The following ERCC5 variants were observed in gnomAD, a reference collection of about 807,000 sequenced individuals.
ERCC5 encodes DNA excision repair protein ERCC-5.
ERCC5 carries 68 observed loss-of-function variants against 105.6 expected under a neutral mutation model. That is an observed-to-expected ratio of 0.64 (90% CI 0.53 to 0.79). The LOEUF is 0.79. ERCC5 is among the 30% of genes least tolerant of loss of function. ERCC5 has a pLI of 0.00. For synonymous variants in ERCC5, 546 were observed against 526.2 expected, an observed-to-expected ratio of 1.04 and a Z score of -0.51; for missense variants, 1,373 against 1,426.7, an observed-to-expected ratio of 0.96 and a Z score of 0.61.
chr13:102,851,297 A>ATTAGTTTTTC (rs750458886), intron 1 of ERCC5, among the ~76,000 whole-genome samples: 90 of 152,088 alleles, frequency 5.9e-4, no homozygotes, highest in Admixed American at 3.7e-3. Flanking sequence ...GTCTGCCATA[A>ATTAGTTTTTC]TTAGTTTTTC....
In ERCC5 at chr13:102,866,394, A is replaced by G; in HGVS notation, c.2319+13A>G. On this transcript the variant is annotated intron_variant, in intron 10 of 14. Transcript: ENST00000652225. ...CCTGGAAAGCCAGGTGGGTGCAGGCAGCTTGGGTTTCCTTTACCACCTTCT... is the reference window on the plus strand; with the variant it reads ...CCTGGAAAGCCAGGTGGGTGCAGGCGGCTTGGGTTTCCTTTACCACCTTCT... 4.3e-6 allele frequency: 7 copies of G among 1,614,116 alleles called. No individual in the cohort carries two copies. Among genetic ancestry groups the G allele is most frequent in the Non-Finnish European group, 5.9e-6 (7 of 1,179,944 alleles).
Position 102,863,049 on chromosome 13 carries a change from A to G in ERCC5, c.1900A>G (p.Ile634Val), listed in dbSNP as rs760908197. Residue 634 changes from isoleucine (I) to valine (V), a missense_variant, in exon 8 of 15, where the codon ATT (isoleucine) becomes GTT (valine). By Grantham distance (29) the Ile-to-Val change is conservative. Around this residue, in one of 3 missense-constraint regions of ERCC5, gnomAD observed 1,004 missense variants for 1,059.7 expected, o/e 0.95. Coordinates refer to ENST00000652225, the MANE Select transcript of ERCC5 (RefSeq NM_000123.4). ...ATCTGCAGGCCAGGATTTAATTTCC[A>G]TTCCAAAGGCCGTGGAACCAATGGA... ...TESAGQDLIS[I>V]PKAVEPMEID... The G allele has an allele frequency of 2.2e-5, 36 of 1,614,052 alleles. No individual in the cohort carries two copies. The highest frequency in any genetic ancestry group is 3.1e-5 in the Non-Finnish European group (36 of 1,180,036).
chr13:102,871,635 T>G (rs527658695), intron 12 of ERCC5, among the ~76,000 whole-genome samples: 13 of 152,082 alleles, frequency 8.5e-5, no homozygotes, highest in Non-Finnish European at 1.8e-4. Flanking sequence ...ATATATAAAA[T>G]GTTAAATTTT....
chr13:102,854,973 C>T (rs1361665066), intron 4 of ERCC5, among the ~76,000 whole-genome samples: 1 of 152,196 alleles, frequency 6.6e-6, no homozygotes, highest in African/African-American at 2.4e-5. Flanking sequence ...GTCCCCTGTC[C>T]TTCCCTCCAC....
chr13:102,861,987 A>G (rs372657190), intron 7 of ERCC5, 43 bp from the exon 8 acceptor site: 2 of 1,609,380 alleles, frequency 1.2e-6, no homozygotes, highest in Non-Finnish European at 1.7e-6. Context: ...GTATTGTCAC[A>G]CTGTAAAACT....
chr13:102,868,120 C>A lies in ERCC5; in HGVS notation c.2541C>A (p.Asp847Glu), dbSNP rs1595387522. The A allele has an allele frequency of 6.2e-7, 1 of 1,613,638 alleles. No individual in the cohort carries two copies. The highest frequency in any genetic ancestry group is 8.5e-7 in the Non-Finnish European group (1 of 1,179,902). ...AATATTGTTACTCTTTAGGATTGGA[C>A]CGGAATAAGTTAATAAATTTGGCTT... The part of the protein sequence containing the change: ...YVDFHNQLGL[D>E]RNKLINLAYL... The change falls in exon 12 of 15, where the codon GAC becomes GAA. Residue 847 changes from aspartate to glutamate, a missense_variant. Physicochemically the swap from Asp to Glu is conservative, Grantham distance 45 (BLOSUM62 2). This residue lies in a region of ERCC5 where 1,004 missense variants were observed against 1,059.7 expected (regional missense o/e 0.95). Transcript: ENST00000652225.
intron 12 of ERCC5, 55 bp from the exon 13 acceptor site, chr13:102,872,143 G>T: frequency 2.5e-6 from 4 of 1,581,702 alleles, no homozygotes; most frequent in South Asian, 1.1e-5. Context: ...CATCCATAGT[G>T]TATGAACTAT....
Position 102,875,411 on chromosome 13 carries a change from A to C in ERCC5, c.3069A>C (p.Leu1023=), listed in dbSNP as rs759927276. 1 of 1,614,198 alleles carries C rather than the reference A, an allele frequency of 6.2e-7. No individual in the cohort carries two copies. Among genetic ancestry groups the C allele is most frequent in the Non-Finnish European group, 8.5e-7 (1 of 1,180,038 alleles). ...QRLNRAVTCM[L]RKEKEAAASE... is the part of the protein sequence containing the mutation. ...TAAACAGAGCTGTGACATGTATGCT[A>C]AGGAAAGAGAAAGAAGCAGCAGCCA... The change falls in exon 15 of 15, where the codon CTA becomes CTC. Residue 1023 remains leucine, a synonymous_variant. Coordinates refer to ENST00000652225, the MANE Select transcript of ERCC5 (RefSeq NM_000123.4).
At position 102,875,828 on chromosome 13, in the gene ERCC5, C is replaced by A. The variant is rs761650522; in HGVS notation, c.3486C>A (p.Leu1162=). The A allele has an allele frequency of 6.2e-7, 1 of 1,613,358 alleles. No individual in the cohort carries two copies. The highest frequency in any genetic ancestry group is 8.5e-7 in the Non-Finnish European group (1 of 1,179,956). ...DDDGGKEKMV[L]VTARSVFGKK... is the part of the protein sequence containing the mutation. The stretch of plus-strand genomic sequence containing the variant: ...ATGGAGGGAAAGAGAAGATGGTCCT[C>A]GTGACCGCCAGATCTGTGTTTGGGA... The change falls in exon 15 of 15, where the codon CTC becomes CTA. Residue 1162 remains leucine, a synonymous_variant. Coordinates refer to ENST00000652225, the MANE Select transcript of ERCC5 (RefSeq NM_000123.4).
chr13:102,852,044 C>T, intron 1 of ERCC5, 74 bp from the exon 2 acceptor site: 1 of 1,509,462 alleles, frequency 6.6e-7, no homozygotes, highest in South Asian at 1.1e-5. Context: ...TGGATAATAT[C>T]AGTTATTAGG....
intron 4 of ERCC5, among the ~76,000 whole-genome samples, chr13:102,855,799 C>T (rs1440965880): frequency 2.0e-5 from 3 of 152,106 alleles, no homozygotes; most frequent in Non-Finnish European, 4.4e-5. Flanking sequence ...TTTTGTGACT[C>T]CTAAATTGGG....
chr13:102,854,400 T>C (rs1882325222), intron 4 of ERCC5, 26 bp downstream of exon 4: 1 of 1,605,964 alleles, frequency 6.2e-7, no homozygotes, highest in Non-Finnish European at 8.5e-7. Context: ...TTTAAGAATA[T>C]TATTTTAGTC....
At chr13:102,871,730 C>A (rs1017606847) in intron 12 of ERCC5, among the ~76,000 whole-genome samples, 1 of 151,922 alleles carries the variant, frequency 6.6e-6, no homozygotes, top group African/African-American at 2.4e-5. Context: ...ATTAAATATT[C>A]TTCGATCCAT....
intron 1 of ERCC5, chr13:102,849,030 T>C (rs995665501): frequency 2.4e-6 from 1 of 421,370 alleles, no homozygotes; most frequent in Non-Finnish European, 4.8e-6. Context: ...TGAAACTAGA[T>C]TTCCTCACTG....
chr13:102,846,328 C>A lies in ERCC5; in HGVS notation c.62C>A (p.Ala21Glu). The A allele has an allele frequency of 6.2e-7, 1 of 1,614,072 alleles. No individual in the cohort carries two copies. The highest frequency in any genetic ancestry group is 8.5e-7 in the Non-Finnish European group (1 of 1,179,998). The change falls in exon 1 of 15, where the codon GCG (alanine) becomes GAG (glutamate). Residue 21 changes from alanine to glutamate, a missense_variant. Around this residue, in one of 3 missense-constraint regions of ERCC5, gnomAD observed 1,004 missense variants for 1,059.7 expected, o/e 0.95. Coordinates refer to ENST00000652225, the MANE Select transcript of ERCC5 (RefSeq NM_000123.4). Reference sequence around the variant, plus strand: ...TCCGGGCGGCAGGTCAGCCCCGAAGCGCTGGAAGGGAAGATCCTGGCTGTT... The same window carrying A: ...TCCGGGCGGCAGGTCAGCCCCGAAGAGCTGGAAGGGAAGATCCTGGCTGTT... ...ECSGRQVSPE[A>E]LEGKILAVDI...
chr13:102,855,995 T>G, intron 4 of ERCC5, 57 bp from the exon 5 acceptor site: 1 of 1,564,870 alleles, frequency 6.4e-7, no homozygotes, highest in Non-Finnish European at 8.8e-7. Flanking sequence ...CATACAAGTA[T>G]TTTTGTAAGG....
In ERCC5 at chr13:102,873,285, A is replaced by G; in HGVS notation, c.2906A>G (p.Asn969Ser). The change falls in exon 14 of 15, where the codon AAC becomes AGC. Residue 969 changes from asparagine (N) to serine (S), a missense_variant. Around this residue, in one of 3 missense-constraint regions of ERCC5, gnomAD observed 367 missense variants for 350.2 expected, o/e 1.05. Transcript: ENST00000652225. ...REFCQRYFGW[N>S]RTKTDESLFP... is the part of the protein sequence containing the mutation. ...TTTTGTCAGCGGTATTTCGGCTGGA[A>G]CAGAACGAAGACAGATGAATCTCTG... 3 of 1,614,158 alleles carry G rather than the reference A, an allele frequency of 1.9e-6. No homozygotes were observed. The highest frequency in any genetic ancestry group is 2.5e-6 in the Non-Finnish European group (3 of 1,180,006).
intron 11 of ERCC5, among the ~76,000 whole-genome samples, 194 bp from the exon 12 acceptor site, chr13:102,867,919 A>G (rs551212465): frequency 1.3e-5 from 2 of 152,366 alleles, no homozygotes; most frequent in South Asian, 4.1e-4. Flanking sequence ...ATTTAAAGCT[A>G]TGAGAATGGA....
In ERCC5 at chr13:102,862,610, G is replaced by A. The variant is rs771650262; in HGVS notation, c.1461G>A (p.Pro487=). 38 of 1,614,014 alleles carry A rather than the reference G, an allele frequency of 2.4e-5. No homozygotes were observed. Among genetic ancestry groups the A allele is most frequent in the South Asian group, 8.8e-5 (8 of 91,080 alleles). Residue 487 remains proline, a synonymous_variant, in exon 8 of 15, where the codon CCG becomes CCA. Coordinates refer to ENST00000652225, the MANE Select transcript of ERCC5 (RefSeq NM_000123.4). ...TTCACGTGGGGACTGAAGCCTTTCCGATAAGTGATGAGTCTATGATTAAGG... is the reference window on the plus strand; with the variant it reads ...TTCACGTGGGGACTGAAGCCTTTCCAATAAGTGATGAGTCTATGATTAAGG... The part of the protein sequence containing the change: ...SLVHVGTEAF[P]ISDESMIKDR...
Sources: allele counts gnomAD v4.1 joint callset (sites outside exome capture counted in the v4.1 genomes callset), GRCh38; gene constraint gnomAD v4.1.1; regional missense constraint gnomAD v4.1.1; transcripts MANE v1.5; gene names NCBI Gene and HGNC (gene_info 2026-07-23, HGNC 2026-07-21).